PLCH2: variants seen among roughly 807,000 people sequenced by gnomAD.
The protein encoded by PLCH2 is 1-phosphatidylinositol 4,5-bisphosphate phosphodiesterase eta-2.
Under a neutral mutation model 134.7 loss-of-function variants are expected in PLCH2, and 98 were observed. The observed-to-expected ratio is 0.73, with a 90% CI of 0.62 to 0.86. The LOEUF (loss-of-function observed/expected upper bound fraction) is 0.86. PLCH2 is among the 40% of genes least tolerant of loss of function. The pLI is 0.00. For synonymous variants in PLCH2, 974 were observed against 827.5 expected (o/e 1.18, Z -3.04); for missense variants, 1,994 against 1,986.6 (o/e 1.00, Z -0.07).
the PLCH2 span, among the ~76,000 whole-genome samples, chr1:2,418,098 A>G: frequency 6.6e-6 from 1 of 152,238 alleles, no homozygotes; most frequent in African/African-American, 2.4e-5. Context: ...GAGTCAGCGC[A>G]GTGAAGACGT....
rs367564304 is a variant in PLCH2 at position 2,495,395 on chromosome 1, C to T, written c.1753-93C>T. 4.1e-3 allele frequency: 4,341 copies of T among 1,065,380 alleles called. 12 individuals carry two copies. The highest frequency in any genetic ancestry group is 4.6e-3 in the Non-Finnish European group (3,378 of 726,818). The allele number at this position is 1,065,380 out of a possible 1,614,324, so 66.0% of individuals were successfully genotyped here. On this transcript the variant is annotated intron_variant, in intron 12 of 21. Transcript: ENST00000378486. ...GGAGGCTGCGTGGGCCGCTGGGGAC[C>T]CCGGAGGATAGGCCCTCCCCAACCC...
chr1:2,491,934 C>G (rs888466446), intron 11 of PLCH2, among the ~76,000 whole-genome samples: 2 of 151,400 alleles, frequency 1.3e-5, no homozygotes, highest in African/African-American at 4.9e-5. Context: ...GAGCCAGGAG[C>G]TGTGGCCGGC....
rs1643051235 is a variant in PLCH2 at position 2,498,885 on chromosome 1, T to G, written c.2434+57T>G. On this transcript the variant is annotated intron_variant, in intron 18 of 21. Coordinates refer to ENST00000378486, the MANE Select transcript of PLCH2 (RefSeq NM_014638.4). The surrounding 1 kb of genome is among the most constrained non-coding windows in gnomAD (Gnocchi z 5.4). ...TGATGGAAGTCTGAGGGGGGAGGGT[T>G]GGGGCTACCTGGTGTGCCCGGGTGC... 1 of 1,434,612 alleles carries G rather than the reference T, an allele frequency of 7.0e-7. No homozygotes were observed. Among genetic ancestry groups the G allele is most frequent in the Non-Finnish European group, 9.7e-7 (1 of 1,034,774 alleles). The allele number at this position is 1,434,612 out of a possible 1,614,324, so 88.9% of individuals were successfully genotyped here. A position where few individuals can be genotyped will look rare whatever the true frequency, so the allele number is the denominator to read the frequency against.
At chr1:2,502,945 C>G (rs763489308) in intron 21 of PLCH2, 1 of 717,220 alleles carries the variant, frequency 1.4e-6, no homozygotes, top group East Asian at 2.7e-5. Flanking sequence ...TCCTCCCGCA[C>G]GCCCCTGGCA....
At chr1:2,446,222 C>T (rs1403409735) in intron 2 of PLCH2, among the ~76,000 whole-genome samples, 1 of 152,238 alleles carries the variant, frequency 6.6e-6, no homozygotes, top group Non-Finnish European at 1.5e-5. Context: ...CCCGCTGCTG[C>T]CCACTCTGGG....
chr1:2,494,714 C>A, intron 11 of PLCH2, 142 bp from the exon 12 acceptor site: 1 of 593,730 alleles, frequency 1.7e-6, no homozygotes, highest in Non-Finnish European at 3.2e-6. Context: ...GCCCTGCCCT[C>A]CCCTCCCGTC....
chr1:2,478,664 G>C (rs866842394), intron 2 of PLCH2, 42 bp downstream of exon 2: 1 of 1,567,854 alleles, frequency 6.4e-7, no homozygotes, highest in Middle Eastern at 1.7e-4. Flanking sequence ...AGAGTCCCTG[G>C]GGGGACACGA....
At chr1:2,479,653 G>T in intron 2 of PLCH2, 81 bp from the exon 3 acceptor site, 2 of 1,421,908 alleles carry the variant, frequency 1.4e-6, no homozygotes, top group South Asian at 1.4e-5. Context: ...CCGGCTGCTT[G>T]GTCTCCGCAG....
chr1:2,416,240 G>A, the PLCH2 span, among the ~76,000 whole-genome samples: 1 of 152,218 alleles, frequency 6.6e-6, no homozygotes, highest in South Asian at 2.1e-4. Flanking sequence ...GGGTCCCTGG[G>A]TGGGCAAAGT....
At chr1:2,502,620 G>A (rs913255137) in intron 21 of PLCH2, 7 of 688,462 alleles carry the variant, frequency 1.0e-5, no homozygotes, top group African/African-American at 1.8e-5. Flanking sequence ...CAGCAGCCCC[G>A]GGCCCGGGCT....
Position 2,460,933 on chromosome 1 carries a change from A to G in PLCH2, c.116-17543A>G, listed in dbSNP as rs552899932. On this transcript the variant is annotated intron_variant, in intron 2 of 3. Coordinates refer to the PLCH2 transcript ENST00000609981. ...CCTCTTCTCTCTCTGCCCTTCCTTC[A>G]GCAGGCCCTTGAGGCTGGGTGCCAG... 3.3e-5 allele frequency among the ~76,000 whole-genome samples: 5 copies of G among 152,348 alleles called. No individual in the cohort carries two copies. The South Asian group carries it at 1.0e-3, about 32-fold the overall frequency.
intron 2 of PLCH2, among the ~76,000 whole-genome samples, chr1:2,450,653 G>GCCCCCCCGC (rs1640163990): frequency 2.9e-5 from 1 of 34,382 alleles, no homozygotes; most frequent in Non-Finnish European, 5.4e-5. Context: ...CCCGCTCCCT[G>GCCCCCCCGC]TCTGCCCCCC....
At chr1:2,463,465 G>A (rs571111744), upstream of PLCH2, among the ~76,000 whole-genome samples, 12 of 152,356 alleles carry the variant, frequency 7.9e-5, no homozygotes, top group South Asian at 8.3e-4. Context: ...GGCTGCAGCC[G>A]AGAATCTGTT....
intron 2 of PLCH2, among the ~76,000 whole-genome samples, chr1:2,443,010 T>C (rs1299916978): frequency 6.6e-6 from 1 of 152,212 alleles, no homozygotes; most frequent in African/African-American, 2.4e-5. Context: ...GGCCTGTCTC[T>C]GTGGCTGCTT....
Position 2,479,818 on chromosome 1 carries a change from A to G in PLCH2, c.356A>G (p.Asn119Ser). The part of the protein sequence containing the change: ...QRYPDGSFDP[N>S]CCFSIYHGSH... ...TACCCTGACGGCAGCTTCGACCCCA[A>G]CTGCTGCTTCAGCATCTACCACGGC... is the stretch of plus-strand genomic sequence containing the variant. The change falls in exon 3 of 22, where the codon AAC becomes AGC. Residue 119 changes from asparagine to serine, a missense_variant. This residue lies in a region of PLCH2 where 1,094 missense variants were observed against 1,234.3 expected (regional missense o/e 0.89). Coordinates refer to ENST00000378486, the MANE Select transcript of PLCH2 (RefSeq NM_014638.4). The G allele has an allele frequency of 6.2e-6, 10 of 1,603,846 alleles. No individual in the cohort carries two copies. The highest frequency in any genetic ancestry group is 2.2e-5 in the South Asian group (2 of 89,972).
At chr1:2,496,072 A>G (rs1317495127) in intron 13 of PLCH2, among the ~76,000 whole-genome samples, 1 of 139,444 alleles carries the variant, frequency 7.2e-6, no homozygotes, top group Admixed American at 7.1e-5. Flanking sequence ...CGTGCCGCCC[A>G]CTCCCTCCTA....
intron 2 of PLCH2, among the ~76,000 whole-genome samples, chr1:2,456,388 G>T (rs1570319731): frequency 6.6e-6 from 1 of 152,210 alleles, no homozygotes; most frequent in Admixed American, 6.5e-5. Flanking sequence ...GCCCTGGGGG[G>T]CGGGTGGCGC....
chr1:2,494,673 G>A (rs1490866653), intron 11 of PLCH2, among the ~76,000 whole-genome samples, 183 bp from the exon 12 acceptor site: 2 of 152,164 alleles, frequency 1.3e-5, no homozygotes, highest in African/African-American at 4.8e-5. Context: ...GACTGGGAAC[G>A]GCTGCCACGG....
At chr1:2,436,278 T>C (rs1302709325) in intron 2 of PLCH2, among the ~76,000 whole-genome samples, 1 of 57,554 alleles carries the variant, frequency 1.7e-5, no homozygotes, top group Non-Finnish European at 3.4e-5. Context: ...CCTTTCCTCC[T>C]TCCTCCCTCC....
Sources: allele counts gnomAD v4.1 joint callset (sites outside exome capture counted in the v4.1 genomes callset), GRCh38; gene constraint gnomAD v4.1.1; regional missense constraint gnomAD v4.1.1; non-coding constraint Gnocchi (gnomAD v3.1); transcripts MANE v1.5; gene names NCBI Gene and HGNC (gene_info 2026-07-23, HGNC 2026-07-21).